P2RY2: variants seen among roughly 807,000 people sequenced by gnomAD.
P2RY2 encodes the protein purinergic receptor P2Y2.
For missense variants in P2RY2, 567 were observed against 515.7 expected (o/e 1.10, Z -0.96); for synonymous variants, 241 against 231.9 (o/e 1.04, Z -0.35).
chr11:73,233,456 G>A (rs1377928080), intron 2 of P2RY2, among the ~76,000 whole-genome samples: 1 of 152,222 alleles, frequency 6.6e-6, no homozygotes, highest in African/African-American at 2.4e-5. Context: ...GCCTCTGCAG[G>A]CAGTAGGCAT....
chr11:73,228,669 C>T (rs1565138841), intron 2 of P2RY2, among the ~76,000 whole-genome samples: 1 of 152,194 alleles, frequency 6.6e-6, no homozygotes, highest in Non-Finnish European at 1.5e-5. Context: ...GAAGGAGAGA[C>T]AGTCTAGAGA....
intron 1 of P2RY2, among the ~76,000 whole-genome samples, chr11:73,227,529 G>T (rs1269411491): frequency 6.6e-6 from 1 of 152,190 alleles, no homozygotes; most frequent in Non-Finnish European, 1.5e-5. Context: ...GGAGGAGGGG[G>T]TCTCTAGATA....
chr11:73,239,161 A>G lies in P2RY2; in HGVS notation c.*3868A>G, dbSNP rs1862723322. 6.6e-6 allele frequency: 1 copy of G among 152,288 alleles called. No homozygotes were observed. Among genetic ancestry groups the G allele is most frequent in the African/African-American group, 2.4e-5 (1 of 41,466 alleles). The allele number at this position is 152,288 out of a possible 1,614,324, so 9.4% of individuals were successfully genotyped here. ...GGCAAATCAGCTGGGCCCTGCCCTC[A>G]CAGAGTTGACATCACTTAGTACGTA... On this transcript the variant is annotated 3_prime_UTR_variant, in exon 3 of 3. Transcript: ENST00000393597.
rs115141510 is a variant in P2RY2 at position 73,226,104 on chromosome 11, G to A, written c.-199-1877G>A. Among the ~76,000 whole-genome samples, 1,180 of 152,304 alleles carry A rather than the reference G, an allele frequency of 7.7e-3. 13 individuals carry two copies. Among genetic ancestry groups the A allele is most frequent in the African/African-American group, 0.027 (1,110 of 41,566 alleles). On this transcript the variant is annotated intron_variant, in intron 1 of 2. Transcript: ENST00000393597. ...AAGCACAGGCCTCGGGCTGCAGTGT[G>A]GGGACCGCGTAGTGCATGTCCGAGG...
chr11:73,234,903 C>G lies in P2RY2; in HGVS notation c.744C>G (p.Ala248=), dbSNP rs754094675. 108 of 1,610,724 alleles carry G rather than the reference C, an allele frequency of 6.7e-5. No homozygotes were observed. The highest frequency in any genetic ancestry group is 9.0e-5 in the Non-Finnish European group (106 of 1,179,904). ...RAKRKSVRTI[A]VVLAVFALCF... is the part of the protein sequence containing the mutation. ...AGCGCAAGTCCGTGCGCACCATCGC[C>G]GTGGTGCTGGCTGTCTTCGCCCTCT... The change falls in exon 3 of 3, where the codon GCC becomes GCG. Residue 248 remains alanine, a synonymous_variant. Transcript: ENST00000393597.
At chr11:73,220,657 C>T (rs1393729953) in intron 1 of P2RY2, among the ~76,000 whole-genome samples, 1 of 152,176 alleles carries the variant, frequency 6.6e-6, no homozygotes. Flanking sequence ...TGTGGGGAGG[C>T]TCTGGCACAA....
chr11:73,224,548 C>T lies in P2RY2; in HGVS notation c.-199-3433C>T, dbSNP rs1041897168. 2.0e-5 allele frequency among the ~76,000 whole-genome samples: 3 copies of T among 152,152 alleles called. No homozygotes were observed. In the South Asian group the frequency reaches 6.2e-4, roughly 32 times the overall value. The stretch of plus-strand genomic sequence containing the variant: ...CCTCCCCTGACGTTGACAGTGAATT[C>T]CTTGAGATCTGACCTACCTCAGAGT... On this transcript the variant is annotated intron_variant, in intron 1 of 2. Transcript: ENST00000393597.
rs1790075 is a variant in P2RY2, at chr11:73,239,514, C to G, written c.*4221C>G. On this transcript the variant is annotated 3_prime_UTR_variant, in exon 3 of 3. Transcript: ENST00000393597. Reference sequence around the variant, plus strand: ...CACCCTCCCACGGCAGCAGGGTAGCCATTTCTCCCTGACTGGGGTGTCCAC... The same window carrying G: ...CACCCTCCCACGGCAGCAGGGTAGCGATTTCTCCCTGACTGGGGTGTCCAC... 0.23 allele frequency: 35,337 copies of G among 152,192 alleles called. 4,854 individuals carry two copies. Among genetic ancestry groups the G allele is most frequent in the Middle Eastern group, 0.46 (135 of 296 alleles). The allele number at this position is 152,192 out of a possible 1,614,324, so 9.4% of individuals were successfully genotyped here.
chr11:73,235,813 A>G lies in P2RY2; in HGVS notation c.*520A>G. On this transcript the variant is annotated 3_prime_UTR_variant, in exon 3 of 3. Transcript: ENST00000393597. ...TGCCACGGTGGACTTAGCTCTGAGG[A>G]GTACCCCCAGCCCAAGAGATGAACA... The G allele has an allele frequency of 5.0e-6, 5 of 1,001,010 alleles. No homozygotes were observed. Among genetic ancestry groups the G allele is most frequent in the Non-Finnish European group, 6.0e-6 (5 of 830,622 alleles). The allele number at this position is 1,001,010 out of a possible 1,614,324, so 62.0% of individuals were successfully genotyped here.
chr11:73,236,611 G>A lies in P2RY2; in HGVS notation c.*1318G>A. Reference sequence around the variant, plus strand: ...AAGCAGGCTGGACAGCTGACTCCAGGCTCAAGGCAGGGTTGGGGCTGGGTC... The same window carrying A: ...AAGCAGGCTGGACAGCTGACTCCAGACTCAAGGCAGGGTTGGGGCTGGGTC... On this transcript the variant is annotated 3_prime_UTR_variant, in exon 3 of 3. Transcript: ENST00000393597. 1 of 985,426 alleles carries A rather than the reference G, an allele frequency of 1.0e-6. No homozygotes were observed. Among genetic ancestry groups the A allele is most frequent in the Admixed American group, 6.1e-5 (1 of 16,288 alleles). The allele number at this position is 985,426 out of a possible 1,614,324, so 61.0% of individuals were successfully genotyped here. A position where few individuals can be genotyped will look rare whatever the true frequency, so the allele number is the denominator to read the frequency against.
At chr11:73,233,482 G>T (rs1055607072) in intron 2 of P2RY2, among the ~76,000 whole-genome samples, 10 of 152,182 alleles carry the variant, frequency 6.6e-5, no homozygotes, top group African/African-American at 2.2e-4. Flanking sequence ...GTGAAGCAGG[G>T]CCAGCCAGCC....
chr11:73,222,891 T>C (rs1173548002), intron 1 of P2RY2, among the ~76,000 whole-genome samples: 1 of 152,218 alleles, frequency 6.6e-6, no homozygotes, highest in Non-Finnish European at 1.5e-5. Flanking sequence ...TCAGCCTGAC[T>C]GGGTACTCCT....
chr11:73,228,674 T>C (rs975950151), intron 2 of P2RY2, among the ~76,000 whole-genome samples: 9 of 152,164 alleles, frequency 5.9e-5, no homozygotes, highest in African/African-American at 2.2e-4. Flanking sequence ...AGAGACAGTC[T>C]AGAGACATAA....
rs1862754130 is a variant in P2RY2 at position 73,240,560 on chromosome 11, A to G, written c.*5267A>G. 1 of 152,312 alleles carries G rather than the reference A, an allele frequency of 6.6e-6. No homozygotes were observed. Among genetic ancestry groups the G allele is most frequent in the East Asian group, 1.9e-4 (1 of 5,202 alleles). 9.4% of individuals were successfully genotyped at this position (152,312 alleles called of 1,614,324 possible). A position where few individuals can be genotyped will look rare whatever the true frequency, so the allele number is the denominator to read the frequency against. On this transcript the variant is annotated 3_prime_UTR_variant, in exon 3 of 3. Coordinates refer to ENST00000393597, the MANE Select transcript of P2RY2 (RefSeq NM_002564.4). ...AGTTTTCCCTCCTGGCAGGGACCCC[A>G]GGGATTGTTTGGCTGCTTAGTGGGA...
rs1258709726 is a variant in P2RY2 at position 73,221,997 on chromosome 11, A to G, written c.-200+3565A>G. On this transcript the variant is annotated intron_variant, in intron 1 of 2. Transcript: ENST00000393597. Reference sequence around the variant, plus strand: ...AGGAGTTCCTCCACCCCATCACCCCATCTCCTAGGCCTGAGTCTTTCCTGG... The same window carrying G: ...AGGAGTTCCTCCACCCCATCACCCCGTCTCCTAGGCCTGAGTCTTTCCTGG... Among the ~76,000 whole-genome samples, 6 of 152,226 alleles carry G rather than the reference A, an allele frequency of 3.9e-5. No homozygotes were observed. The South Asian group carries it at 1.2e-3, about 32-fold the overall frequency.
At chr11:73,221,138 A>G (rs1862103866) in intron 1 of P2RY2, among the ~76,000 whole-genome samples, 1 of 152,226 alleles carries the variant, frequency 6.6e-6, no homozygotes, top group Non-Finnish European at 1.5e-5. Flanking sequence ...TGAAGACTAT[A>G]AGAGAACATG....
rs568668794 is a variant in P2RY2 at position 73,236,785 on chromosome 11, G to A, written c.*1492G>A. 1,731 of 985,400 alleles carry A rather than the reference G, an allele frequency of 1.8e-3. 2 individuals carry two copies. The highest frequency in any genetic ancestry group is 2.0e-3 in the Non-Finnish European group (1,673 of 829,908). 61.0% of individuals were successfully genotyped at this position (985,400 alleles called of 1,614,324 possible). On this transcript the variant is annotated 3_prime_UTR_variant, in exon 3 of 3. Coordinates refer to ENST00000393597, the MANE Select transcript of P2RY2 (RefSeq NM_002564.4). ...GAATGGCAGGGTGGTGCTCAGGCTG[G>A]GTCAGGACTTAGTATGGGGGAGATG...
In P2RY2 at chr11:73,236,562, G is replaced by A; in HGVS notation, c.*1269G>A. 1.0e-6 allele frequency: 1 copy of A among 985,420 alleles called. No homozygotes were observed. The highest frequency in any genetic ancestry group is 1.2e-6 in the Non-Finnish European group (1 of 829,918). 61.0% of individuals were successfully genotyped at this position (985,420 alleles called of 1,614,324 possible). A position where few individuals can be genotyped will look rare whatever the true frequency, so the allele number is the denominator to read the frequency against. ...CATCCCAGGCAAAGACATGGGGCAA[G>A]AGGGCAGGGTGTGCATGAGCCATAA... On this transcript the variant is annotated 3_prime_UTR_variant, in exon 3 of 3. Transcript: ENST00000393597.
chr11:73,236,922 G>A lies in P2RY2; in HGVS notation c.*1629G>A. The A allele has an allele frequency of 2.0e-6, 2 of 985,100 alleles. No homozygotes were observed. Among genetic ancestry groups the A allele is most frequent in the Non-Finnish European group, 2.4e-6 (2 of 829,702 alleles). The allele number at this position is 985,100 out of a possible 1,614,324, so 61.0% of individuals were successfully genotyped here. A position where few individuals can be genotyped will look rare whatever the true frequency, so the allele number is the denominator to read the frequency against. On this transcript the variant is annotated 3_prime_UTR_variant, in exon 3 of 3. Coordinates refer to ENST00000393597, the MANE Select transcript of P2RY2 (RefSeq NM_002564.4). ...CTTTGGAAAGGGACAGGGCAAAGCTGACAGGCCTCACTCTTGATCTCAAGG... is the reference window on the plus strand; with the variant it reads ...CTTTGGAAAGGGACAGGGCAAAGCTAACAGGCCTCACTCTTGATCTCAAGG...
Sources: allele counts gnomAD v4.1 joint callset (sites outside exome capture counted in the v4.1 genomes callset), GRCh38; gene constraint gnomAD v4.1.1; transcripts MANE v1.5; gene names NCBI Gene and HGNC (gene_info 2026-07-23, HGNC 2026-07-21).